The following RYR2 variants were observed in gnomAD, a reference collection of about 807,000 sequenced individuals.
The protein encoded by RYR2 is ryanodine receptor 2.
RYR2 carries 227 observed loss-of-function variants against 601.1 expected under a neutral mutation model. That is an observed-to-expected ratio of 0.38 (90% CI 0.34 to 0.42). The LOEUF (loss-of-function observed/expected upper bound fraction) is 0.42. RYR2 is among the 10% of genes least tolerant of loss of function. The pLI, the probability that RYR2 is intolerant of heterozygous loss-of-function variation, is 1.00. For synonymous variants in RYR2, 2,223 were observed against 2,175.1 expected (o/e 1.02, Z -0.61); for missense variants, 4,646 against 6,156.5 (o/e 0.75, Z 8.21).
At chr1:237,295,874 G>C (rs1039051392) in intron 2 of RYR2, among the ~76,000 whole-genome samples, 2 of 143,604 alleles carry the variant, frequency 1.4e-5, no homozygotes, top group Non-Finnish European at 3.2e-5. Context: ...CATGGGGACA[G>C]AGCAGAGATC....
intron 25 of RYR2, among the ~76,000 whole-genome samples, chr1:237,531,882 T>C (rs561167454): frequency 2.0e-5 from 3 of 152,196 alleles, no homozygotes; most frequent in Non-Finnish European, 2.9e-5. Context: ...CCATCATCTG[T>C]GTAAAAATGA....
intron 19 of RYR2, among the ~76,000 whole-genome samples, chr1:237,495,053 T>C (rs1349924470): frequency 6.6e-5 from 10 of 152,166 alleles, no homozygotes; most frequent in Non-Finnish European, 1.3e-4. Flanking sequence ...CCTCCCAAAG[T>C]GCTGGGATTA....
chr1:237,751,063 A>G (rs748380428), intron 80 of RYR2, among the ~76,000 whole-genome samples: 2 of 152,190 alleles, frequency 1.3e-5, no homozygotes, highest in Non-Finnish European at 2.9e-5. Flanking sequence ...GATCCAATCT[A>G]TGATCAAAGT....
At chr1:237,549,628 C>CTTTTTTT (rs57579159) in intron 26 of RYR2, among the ~76,000 whole-genome samples, 11 of 77,708 alleles carry the variant, frequency 1.4e-4, no homozygotes, top group African/African-American at 2.6e-4. Flanking sequence ...CCATAGCTTT[C>CTTTTTTT]TTTTTTTTTT....
chr1:237,196,858 G>C (rs1214702093), intron 1 of RYR2, among the ~76,000 whole-genome samples: 1 of 152,136 alleles, frequency 6.6e-6, no homozygotes, highest in Non-Finnish European at 1.5e-5. Context: ...CAATTTGGGA[G>C]CAGTTCATAA....
intron 12 of RYR2, among the ~76,000 whole-genome samples, chr1:237,434,047 T>G (rs528530931): frequency 4.1e-4 from 62 of 152,342 alleles, no homozygotes; most frequent in Middle Eastern, 3.4e-3. Context: ...TTAGGAGTTT[T>G]GGTTTTGAAA....
intron 11 of RYR2, among the ~76,000 whole-genome samples, chr1:237,418,125 C>T (rs1705197793): frequency 6.6e-6 from 1 of 152,122 alleles, no homozygotes; most frequent in Non-Finnish European, 1.5e-5. Context: ...TCACTGCAAG[C>T]TCCACCTCCC....
chr1:237,786,147 C>G, intron 91 of RYR2, 111 bp downstream of exon 91: 1 of 704,518 alleles, frequency 1.4e-6, no homozygotes, highest in Non-Finnish European at 2.4e-6. Flanking sequence ...TGTCAAGGAG[C>G]CACAGAACTA....
intron 81 of RYR2, 100 bp downstream of exon 81, chr1:237,756,487 C>T (rs1692966016): frequency 2.9e-6 from 2 of 696,120 alleles, no homozygotes; most frequent in Non-Finnish European, 4.8e-6. Flanking sequence ...TCATTTAGTC[C>T]TGGGGTTTCT....
At chr1:237,606,788 AAAG>A (rs1677176870) in intron 35 of RYR2, among the ~76,000 whole-genome samples, 1 of 152,242 alleles carries the variant, frequency 6.6e-6, no homozygotes, top group Non-Finnish European at 1.5e-5. Context: ...ACACTTCTCA[AAAG>A]AAGTCATTTA....
intron 101 of RYR2, 79 bp from the exon 102 acceptor site, chr1:237,828,302 T>C: frequency 9.9e-7 from 1 of 1,011,996 alleles, no homozygotes; most frequent in Non-Finnish European, 1.5e-6. Context: ...ACATCTCCCC[T>C]TTCCCTGGGG....
intron 1 of RYR2, among the ~76,000 whole-genome samples, chr1:237,107,407 G>A (rs1307230307): frequency 6.6e-6 from 1 of 150,912 alleles, no homozygotes; most frequent in Non-Finnish European, 1.5e-5. Flanking sequence ...TGTAGTCCCA[G>A]CTACTCAGGA....
In RYR2 at chr1:237,808,819, C is replaced by T. The variant is rs1019243835; in HGVS notation, c.14299-82C>T. The T allele has an allele frequency of 2.0e-5, 27 of 1,345,796 alleles. No homozygotes were observed. The African/African-American group carries it at 3.7e-4, about 19-fold the overall frequency. 83.4% of individuals were successfully genotyped at this position (1,345,796 alleles called of 1,614,324 possible). A position where few individuals can be genotyped will look rare whatever the true frequency, so the allele number is the denominator to read the frequency against. ...AAACACGGCTGTGTTCTCACTAGAG[C>T]ACTCGCCGCCCATGTAGATGTCACG... On this transcript the variant is annotated intron_variant, in intron 99 of 104. Coordinates refer to ENST00000366574, the MANE Select transcript of RYR2 (RefSeq NM_001035.3).
At chr1:237,398,077 A>T (rs982568303) in intron 10 of RYR2, among the ~76,000 whole-genome samples, 1 of 152,052 alleles carries the variant, frequency 6.6e-6, no homozygotes, top group Non-Finnish European at 1.5e-5. Context: ...TCTGAGATCT[A>T]TTTTAACATG....
rs2149138963 is a variant in RYR2 at position 237,726,315 on chromosome 1, A to G, written c.10725+7A>G. ...TCGGAGACATTACTGTCTGGGAAGT[A>G]CAGTGCTCAATGGCCTAGAGATTAC... On this transcript the variant is annotated splice_region_variant and intron_variant, in intron 75 of 104. Coordinates refer to ENST00000366574, the MANE Select transcript of RYR2 (RefSeq NM_001035.3). The G allele has an allele frequency of 1.3e-6, 2 of 1,569,318 alleles. No individual in the cohort carries two copies. Among genetic ancestry groups the G allele is most frequent in the Non-Finnish European group, 1.7e-6 (2 of 1,145,418 alleles).
chr1:237,326,098 T>G (rs1204301868), intron 2 of RYR2, among the ~76,000 whole-genome samples: 2 of 152,158 alleles, frequency 1.3e-5, no homozygotes, highest in Non-Finnish European at 2.9e-5. Flanking sequence ...CAGATACAAC[T>G]CTGGAAGCCA....
intron 27 of RYR2, among the ~76,000 whole-genome samples, chr1:237,560,424 G>T (rs1671333209): frequency 6.6e-6 from 1 of 152,152 alleles, no homozygotes; most frequent in Non-Finnish European, 1.5e-5. Flanking sequence ...CCAGAAAAGG[G>T]AACATAATGA....
Position 237,832,870 on chromosome 1 carries a change from C to A in RYR2, c.*223C>A. On this transcript the variant is annotated 3_prime_UTR_variant, in exon 105 of 105. Coordinates refer to ENST00000366574, the MANE Select transcript of RYR2 (RefSeq NM_001035.3). Reference sequence around the variant, plus strand: ...AGAATAATCTAAATTCATACTCAGACAAAAAAAGGAATTCTGGAAAGAAAA... The same window carrying A: ...AGAATAATCTAAATTCATACTCAGAAAAAAAAAGGAATTCTGGAAAGAAAA... 2.5e-6 allele frequency: 1 copy of A among 402,274 alleles called. No individual in the cohort carries two copies. Among genetic ancestry groups the A allele is most frequent in the Non-Finnish European group, 4.5e-6 (1 of 222,576 alleles). 24.9% of individuals were successfully genotyped at this position (402,274 alleles called of 1,614,324 possible).
chr1:237,685,490 G>A (rs980372191), intron 62 of RYR2, among the ~76,000 whole-genome samples: 1 of 152,174 alleles, frequency 6.6e-6, no homozygotes, highest in Non-Finnish European at 1.5e-5. Flanking sequence ...GATTAATTGA[G>A]TAAGACCTAA....
Sources: gnomAD v4.1 joint callset for allele counts (sites outside exome capture counted in the v4.1 genomes callset) on GRCh38, gnomAD v4.1.1 for gene constraint, MANE v1.5 for transcripts, NCBI Gene and HGNC (gene_info 2026-07-23, HGNC 2026-07-21) for gene names.